Variants in VPS53 observed in about 807,000 individuals in gnomAD.
The protein encoded by VPS53 is VPS53 subunit of GARP complex, also known as vacuolar protein sorting-associated protein 53 homolog.
Under a neutral mutation model 107.0 loss-of-function variants are expected in VPS53, and 70 were observed. The observed-to-expected ratio is 0.65, with a 90% CI of 0.54 to 0.80. VPS53 has a LOEUF of 0.80. Ranked by LOEUF, VPS53 falls within the 30% of genes least tolerant of loss-of-function variation. The pLI is 0.00. For missense variants in VPS53, 917 were observed against 1,049.4 expected (o/e 0.87, Z 1.74); for synonymous variants, 409 against 393.3 (o/e 1.04, Z -0.47).
At chr17:637,864 G>A (rs533947462) in intron 7 of VPS53, among the ~76,000 whole-genome samples, 13 of 152,336 alleles carry the variant, frequency 8.5e-5, no homozygotes, top group South Asian at 6.2e-4. Context: ...GAATAAGTGC[G>A]ATGTGGTGCT....
intron 16 of VPS53, 84 bp from the exon 17 acceptor site, chr17:552,034 C>G: frequency 7.7e-7 from 1 of 1,299,306 alleles, no homozygotes; most frequent in Non-Finnish European, 1.0e-6. Flanking sequence ...GTGTAAAAAT[C>G]AGATTCATCA....
At chr17:544,883 T>G (rs1911060147) in intron 17 of VPS53, among the ~76,000 whole-genome samples, 1 of 152,066 alleles carries the variant, frequency 6.6e-6, no homozygotes. Context: ...AGTTTGAGAC[T>G]GGCCTGGGCA....
intron 7 of VPS53, among the ~76,000 whole-genome samples, chr17:641,620 A>G (rs1401312990): frequency 3.3e-5 from 5 of 152,030 alleles, no homozygotes; most frequent in Non-Finnish European, 2.9e-5. Context: ...ATGCCCAGCT[A>G]ATTCTTGTAT....
At chr17:657,252 C>A in intron 5 of VPS53, 1 of 1,028,228 alleles carries the variant, frequency 9.7e-7, no homozygotes, top group Non-Finnish European at 1.5e-6. Flanking sequence ...TACAGCAAAG[C>A]AACCTTTGGT....
chr17:602,371 G>A (rs1041922106), intron 11 of VPS53, among the ~76,000 whole-genome samples: 1 of 152,222 alleles, frequency 6.6e-6, no homozygotes, highest in Non-Finnish European at 1.5e-5. Context: ...CAGGTCCTCA[G>A]TAAATAGAAA....
chr17:578,665 C>T (rs889286893), intron 13 of VPS53, among the ~76,000 whole-genome samples: 1 of 148,348 alleles, frequency 6.7e-6, no homozygotes, highest in African/African-American at 2.5e-5. Flanking sequence ...CATTCCCAGA[C>T]AACTTCCCTG....
chr17:535,112 T>A (rs1210365304), intron 18 of VPS53, among the ~76,000 whole-genome samples: 3 of 151,890 alleles, frequency 2.0e-5, no homozygotes, highest in African/African-American at 4.8e-5. Context: ...CAGGGAAGGG[T>A]CTCCTCACAA....
At chr17:666,492 T>C (rs1241584080) in intron 4 of VPS53, among the ~76,000 whole-genome samples, 1 of 152,016 alleles carries the variant, frequency 6.6e-6, no homozygotes, top group African/African-American at 2.4e-5. Flanking sequence ...GATGAAACCC[T>C]GTCTCTACTC....
rs549895029 is a variant in VPS53 at position 714,392 on chromosome 17, C to T, written c.87+231G>A. ...AAGCGCACAATTCCTTTCCCCAAAACCACCAGAACCCCCAGCCCTCGCCAA... is the reference window on the plus strand; with the variant it reads ...AAGCGCACAATTCCTTTCCCCAAAATCACCAGAACCCCCAGCCCTCGCCAA... On this transcript the variant is annotated intron_variant, in intron 1 of 21. Transcript: ENST00000437048. 34 of 559,278 alleles carry T rather than the reference C, an allele frequency of 6.1e-5. No homozygotes were observed. In the East Asian group the frequency reaches 1.0e-3, roughly 17 times the overall value. The allele number at this position is 559,278 out of a possible 1,614,324, so 34.6% of individuals were successfully genotyped here.
intron 19 of VPS53, among the ~76,000 whole-genome samples, chr17:522,084 C>T (rs1331598335): frequency 2.0e-5 from 3 of 151,902 alleles, no homozygotes; most frequent in African/African-American, 7.3e-5. Flanking sequence ...CAAAACCCCG[C>T]CTCTACAAAA....
Position 518,996 on chromosome 17 carries a change from A to T in VPS53, c.*132T>A. 9.8e-7 allele frequency: 1 copy of T among 1,017,514 alleles called. No homozygotes were observed. Among genetic ancestry groups the T allele is most frequent in the Non-Finnish European group, 1.4e-6 (1 of 721,890 alleles). 63.0% of individuals were successfully genotyped at this position (1,017,514 alleles called of 1,614,324 possible). On this transcript the variant is annotated 3_prime_UTR_variant, in exon 22 of 22. Coordinates refer to ENST00000437048, the MANE Select transcript of VPS53 (RefSeq NM_001128159.3). ...AGACAGGGCATGGGAGAGACTCAGT[A>T]ACAACCCACATGTCCCAGGAAGTTT...
At chr17:657,689 A>C in intron 5 of VPS53, 1 of 549,486 alleles carries the variant, frequency 1.8e-6, no homozygotes, top group Non-Finnish European at 3.3e-6. Context: ...TACTGTAGTC[A>C]CTGGATAGAT....
chr17:612,625 T>A (rs1206596634), intron 11 of VPS53, among the ~76,000 whole-genome samples: 1 of 141,962 alleles, frequency 7.0e-6, no homozygotes, highest in African/African-American at 2.7e-5. Context: ...CAAATATTCA[T>A]ATAGTGAGTT....
intron 12 of VPS53, among the ~76,000 whole-genome samples, chr17:588,310 C>G (rs1967437247): frequency 6.6e-6 from 1 of 150,976 alleles, no homozygotes; most frequent in South Asian, 2.1e-4. Context: ...GAGTGAGACT[C>G]CATTTCAAAA....
At chr17:700,524 C>A (rs937695875) in intron 2 of VPS53, among the ~76,000 whole-genome samples, 1 of 152,074 alleles carries the variant, frequency 6.6e-6, no homozygotes, top group Non-Finnish European at 1.5e-5. Flanking sequence ...GCACTCCAGC[C>A]TGGGCAACAA....
At chr17:604,597 C>A (rs1034844593) in intron 11 of VPS53, among the ~76,000 whole-genome samples, 2 of 152,186 alleles carry the variant, frequency 1.3e-5, no homozygotes, top group Admixed American at 1.3e-4. Flanking sequence ...GTGCACATCA[C>A]CACACCCAAG....
chr17:615,817 C>A (rs1414221299), intron 11 of VPS53, among the ~76,000 whole-genome samples: 1 of 152,188 alleles, frequency 6.6e-6, no homozygotes, highest in South Asian at 2.1e-4. Context: ...GGGTACCCAG[C>A]AGCTAGACTG....
intron 19 of VPS53, among the ~76,000 whole-genome samples, chr17:531,755 C>T (rs1013657341): frequency 6.7e-6 from 1 of 149,198 alleles, no homozygotes; most frequent in Non-Finnish European, 1.5e-5. Flanking sequence ...TCTCAGCCTC[C>T]CATCACTGGG....
At chr17:559,927 T>C (rs1038320277) in intron 15 of VPS53, among the ~76,000 whole-genome samples, 1 of 152,240 alleles carries the variant, frequency 6.6e-6, no homozygotes, top group African/African-American at 2.4e-5. Flanking sequence ...TGTCCCCCAG[T>C]TCCTAAACGT....
Sources: gnomAD v4.1 joint callset for allele counts (sites outside exome capture counted in the v4.1 genomes callset) on GRCh38, gnomAD v4.1.1 for gene constraint, MANE v1.5 for transcripts, NCBI Gene and HGNC (gene_info 2026-07-23, HGNC 2026-07-21) for gene names.